Variants in NUMB observed in about 807,000 individuals in gnomAD.
The protein encoded by NUMB is protein numb homolog.
NUMB carries 29 observed loss-of-function variants against 59.7 expected under a neutral mutation model. That is an observed-to-expected ratio of 0.49 (90% CI 0.36 to 0.66). The LOEUF (loss-of-function observed/expected upper bound fraction) is 0.66, where lower values mean the gene tolerates loss of function less well. Ranked by LOEUF, NUMB falls within the 30% of genes least tolerant of loss-of-function variation. The probability of loss-of-function intolerance (pLI) is 0.00; values close to 1 mark genes in which losing one functional copy is unlikely to be tolerated. For synonymous variants in NUMB, 288 were observed against 288.2 expected, an observed-to-expected ratio of 1.00 and a Z score of 0.01; for missense variants, 723 against 822.0, an observed-to-expected ratio of 0.88 and a Z score of 1.47.
chr14:73,372,478 GAT>G (rs1466347577), intron 2 of NUMB, among the ~76,000 whole-genome samples: 1 of 147,262 alleles, frequency 6.8e-6, no homozygotes, highest in African/African-American at 2.5e-5. Flanking sequence ...TATTTATACA[GAT>G]ATTTAATATT....
intron 6 of NUMB, among the ~76,000 whole-genome samples, chr14:73,310,506 A>AG (rs1382665993): frequency 4.6e-5 from 7 of 152,220 alleles, no homozygotes; most frequent in Admixed American, 4.6e-4. Flanking sequence ...GGCATACCCG[A>AG]GGAAAGCAGA....
At position 73,394,059 on chromosome 14, in the gene NUMB, G is replaced by A. The variant is rs150281673; in HGVS notation, c.-101+15878C>T. On this transcript the variant is annotated intron_variant, in intron 2 of 12. Coordinates refer to ENST00000555238, the MANE Select transcript of NUMB (RefSeq NM_001005743.2). ...TGGCTCACTGCAGCCTCTGCCTCCCGGGTTCAAGCGATTCTCCTGCCTTAG... is the reference window on the plus strand; with the variant it reads ...TGGCTCACTGCAGCCTCTGCCTCCCAGGTTCAAGCGATTCTCCTGCCTTAG... Among the ~76,000 whole-genome samples the A allele has an allele frequency of 6.9e-3, 1,048 of 152,176 alleles. 5 individuals carry two copies. The highest frequency in any genetic ancestry group is 0.031 in the South Asian group (150 of 4,820).
intron 6 of NUMB, among the ~76,000 whole-genome samples, chr14:73,303,684 C>T (rs1227130053): frequency 6.6e-6 from 1 of 151,976 alleles, no homozygotes; most frequent in African/African-American, 2.4e-5. Context: ...ATTATTTTAT[C>T]ATCGCTGCTC....
intron 6 of NUMB, among the ~76,000 whole-genome samples, chr14:73,312,584 C>T (rs1222339606): frequency 6.6e-6 from 1 of 152,010 alleles, no homozygotes; most frequent in African/African-American, 2.4e-5. Flanking sequence ...TGTGGTGGCA[C>T]ATGCCAATAG....
At chr14:73,289,123 C>T (rs1045296075) in intron 8 of NUMB, among the ~76,000 whole-genome samples, 1 of 151,974 alleles carries the variant, frequency 6.6e-6, no homozygotes, top group Non-Finnish European at 1.5e-5. Context: ...CATTTATGGC[C>T]CTCCGTGCTT....
intron 4 of NUMB, among the ~76,000 whole-genome samples, chr14:73,338,284 C>T (rs1892454980): frequency 6.6e-6 from 1 of 151,940 alleles, no homozygotes; most frequent in African/African-American, 2.4e-5. Flanking sequence ...AAGATCCTGT[C>T]TCTTAAAAAA....
chr14:73,371,735 T>C (rs887029322), intron 2 of NUMB, among the ~76,000 whole-genome samples: 3 of 152,162 alleles, frequency 2.0e-5, no homozygotes, highest in African/African-American at 4.8e-5. Context: ...GATTAAGGCT[T>C]CGTGCAGCTT....
chr14:73,352,184 C>G (rs939224469), intron 4 of NUMB, among the ~76,000 whole-genome samples: 3 of 151,296 alleles, frequency 2.0e-5, no homozygotes, highest in Admixed American at 2.0e-4. Context: ...TACAGTTTTC[C>G]TTTACCATTC....
chr14:73,408,449 C>T (rs1316218399), intron 2 of NUMB, among the ~76,000 whole-genome samples: 1 of 151,928 alleles, frequency 6.6e-6, no homozygotes, highest in African/African-American at 2.4e-5. Flanking sequence ...AAAAAAGACC[C>T]AAGTAGGCTT....
rs1419043951 is a variant in NUMB at position 73,398,025 on chromosome 14, C to T, written c.-101+11912G>A. Among the ~76,000 whole-genome samples, 38 of 152,142 alleles carry T rather than the reference C, an allele frequency of 2.5e-4. 1 individual carries two copies. Among genetic ancestry groups the T allele is most frequent in the Admixed American group, 2.1e-3 (32 of 15,258 alleles). The stretch of plus-strand genomic sequence containing the variant: ...TGTTTACAAAACGAAGCATTAACAG[C>T]TGCCCTAGAATCCAAGCGGAAAATA... On this transcript the variant is annotated intron_variant, in intron 2 of 12. Transcript: ENST00000555238.
At chr14:73,297,725 ATGT>A in intron 6 of NUMB, 1 of 157,226 alleles carries the variant, frequency 6.4e-6, no homozygotes, top group East Asian at 1.9e-4. Context: ...CTAAATTGAG[ATGT>A]TGACCATTCT....
chr14:73,445,996 TTTC>T (rs1482879785), intron 1 of NUMB, among the ~76,000 whole-genome samples: 1 of 146,556 alleles, frequency 6.8e-6, no homozygotes, highest in African/African-American at 2.7e-5. Context: ...AAAATAACTT[TTTC>T]TTTTTTTTTT....
chr14:73,452,345 A>C (rs968340205), intron 1 of NUMB, among the ~76,000 whole-genome samples: 11 of 152,066 alleles, frequency 7.2e-5, no homozygotes, highest in African/African-American at 2.4e-4. Flanking sequence ...GGGCAACGAG[A>C]ACGAAACTCT....
At chr14:73,318,532 C>T (rs1891204979) in intron 5 of NUMB, among the ~76,000 whole-genome samples, 1 of 152,150 alleles carries the variant, frequency 6.6e-6, no homozygotes, top group Admixed American at 6.5e-5. Flanking sequence ...TGACCTTAAA[C>T]GAAGGGCATC....
At chr14:73,288,584 G>A (rs1437500653) in intron 8 of NUMB, among the ~76,000 whole-genome samples, 1 of 144,434 alleles carries the variant, frequency 6.9e-6, no homozygotes, top group Non-Finnish European at 1.5e-5. Context: ...TAAAGGCCGG[G>A]CACAGTGGCT....
At chr14:73,417,053 G>A (rs1470604426) in intron 1 of NUMB, among the ~76,000 whole-genome samples, 2 of 151,844 alleles carry the variant, frequency 1.3e-5, no homozygotes, top group Non-Finnish European at 2.9e-5. Flanking sequence ...GATGGCTGGA[G>A]AGGAGATCGG....
chr14:73,311,424 A>G (rs1890771674), intron 6 of NUMB, among the ~76,000 whole-genome samples: 1 of 152,092 alleles, frequency 6.6e-6, no homozygotes, highest in Non-Finnish European at 1.5e-5. Flanking sequence ...CCTCTTTTAC[A>G]ATGTTTGTAA....
chr14:73,333,074 T>G lies in NUMB; in HGVS notation c.127-9870A>C, dbSNP rs145399479. Reference sequence around the variant, plus strand: ...CATGTATTTTTCTTGAAGTACCTGTTTTCAATTCTTTGGGGGTATATAACT... The same window carrying G: ...CATGTATTTTTCTTGAAGTACCTGTGTTCAATTCTTTGGGGGTATATAACT... On this transcript the variant is annotated intron_variant, in intron 4 of 12. Transcript: ENST00000555238. 3.5e-3 allele frequency among the ~76,000 whole-genome samples: 538 copies of G among 152,328 alleles called. 1 individual carries two copies. Among genetic ancestry groups the G allele is most frequent in the Middle Eastern group, 6.8e-3 (2 of 294 alleles).
chr14:73,349,857 G>C (rs1173637776), intron 4 of NUMB, among the ~76,000 whole-genome samples: 2 of 150,496 alleles, frequency 1.3e-5, no homozygotes, highest in African/African-American at 4.9e-5. Flanking sequence ...CCAGCCTGGG[G>C]GACAGAGCAA....
Sources: gnomAD v4.1 joint callset for allele counts (sites outside exome capture counted in the v4.1 genomes callset) on GRCh38, gnomAD v4.1.1 for gene constraint, MANE v1.5 for transcripts, NCBI Gene and HGNC (gene_info 2026-07-23, HGNC 2026-07-21) for gene names.